TLL2: variants seen among roughly 807,000 people sequenced by gnomAD.
TLL2 encodes the protein tolloid-like protein 2.
TLL2 carries 106 observed loss-of-function variants against 123.0 expected under a neutral mutation model. The ratio of observed to expected loss-of-function variants is 0.86; its 90% CI spans 0.74 to 1.01. The LOEUF is 1.01. Among genes scored for constraint, TLL2 ranks in the 50% least tolerant of loss-of-function variants. The pLI, the probability that TLL2 is intolerant of heterozygous loss-of-function variation, is 0.00. For synonymous variants in TLL2, 494 were observed against 516.8 expected, an observed-to-expected ratio of 0.96 and a Z score of 0.60; for missense variants, 1,332 against 1,336.7, an observed-to-expected ratio of 1.00 and a Z score of 0.06.
At chr10:96,498,335 G>A (rs551653594) in intron 1 of TLL2, among the ~76,000 whole-genome samples, 19 of 152,134 alleles carry the variant, frequency 1.2e-4, no homozygotes, top group Non-Finnish European at 2.1e-4. Flanking sequence ...GGGTTCTCAC[G>A]GGAAATATTA....
intron 2 of TLL2, among the ~76,000 whole-genome samples, chr10:96,457,165 T>C (rs1352807937): frequency 6.6e-6 from 1 of 152,156 alleles, no homozygotes; most frequent in Non-Finnish European, 1.5e-5. Flanking sequence ...TGATGATTAT[T>C]TTTGGGTCCC....
intron 1 of TLL2, among the ~76,000 whole-genome samples, chr10:96,507,829 T>G (rs1177957009): frequency 2.0e-5 from 3 of 152,160 alleles, no homozygotes; most frequent in Non-Finnish European, 4.4e-5. Context: ...TGTGTGAAAT[T>G]GTGTAGAGAA....
intron 2 of TLL2, among the ~76,000 whole-genome samples, chr10:96,476,373 G>A (rs1045826918): frequency 4.0e-5 from 6 of 150,378 alleles, no homozygotes; most frequent in Non-Finnish European, 5.9e-5. Flanking sequence ...CAATTCTCCT[G>A]CCTCAGCCTC....
At chr10:96,373,894 G>T in intron 18 of TLL2, 85 bp from the exon 19 acceptor site, 2 of 1,249,934 alleles carry the variant, frequency 1.6e-6, no homozygotes, top group Non-Finnish European at 2.3e-6. Flanking sequence ...GGACAGGAAG[G>T]GGCGAGGCAG....
At position 96,367,197 on chromosome 10, in the gene TLL2, G is replaced by A. The variant is rs1846036999; in HGVS notation, c.*891C>T. 1.3e-5 allele frequency: 2 copies of A among 152,242 alleles called. No individual in the cohort carries two copies. The highest frequency in any genetic ancestry group is 1.3e-4 in the Admixed American group (2 of 15,282). 9.4% of individuals were successfully genotyped at this position (152,242 alleles called of 1,614,324 possible). ...CATTTTGCAAATGCAGTTTGAATTG[G>A]ATGTCAAGGAGTCCAGGTGTGCCAC... On this transcript the variant is annotated 3_prime_UTR_variant, in exon 21 of 21. Transcript: ENST00000357947.
chr10:96,379,741 G>A (rs552262495), intron 16 of TLL2, among the ~76,000 whole-genome samples: 1 of 152,348 alleles, frequency 6.6e-6, no homozygotes, highest in South Asian at 2.1e-4. Context: ...AGAATTGCTT[G>A]AACCTGGGAG....
At chr10:96,375,950 G>A (rs570940728) in intron 18 of TLL2, among the ~76,000 whole-genome samples, 1 of 152,322 alleles carries the variant, frequency 6.6e-6, no homozygotes, top group Admixed American at 6.5e-5. Flanking sequence ...ATTCTCCAAA[G>A]TGTGGGAGTC....
intron 1 of TLL2, among the ~76,000 whole-genome samples, chr10:96,484,247 C>T (rs958464091): frequency 2.6e-5 from 4 of 152,078 alleles, no homozygotes; most frequent in Non-Finnish European, 5.9e-5. Flanking sequence ...GTTCTCTTTT[C>T]CCAAAGCCAT....
chr10:96,455,483 TAGG>T (rs1315258529), intron 2 of TLL2, among the ~76,000 whole-genome samples: 1 of 152,098 alleles, frequency 6.6e-6, no homozygotes, highest in Non-Finnish European at 1.5e-5. Flanking sequence ...CAGGATGAGA[TAGG>T]AGGTCAGCAC....
chr10:96,513,611 T>TC lies in TLL2; in HGVS notation c.74dup (p.Leu26ThrfsTer44). The TC allele has an allele frequency of 6.2e-7, 1 of 1,601,810 alleles. No individual in the cohort carries two copies. Among genetic ancestry groups the TC allele is most frequent in the South Asian group, 1.1e-5 (1 of 90,854 alleles). ...CGGTGGCGTCCGGGCGCTCCCCGAGTCCCCCGGCGCCGCGAGGCAGCGGCA... is the reference window on the plus strand; with the variant it reads ...CGGTGGCGTCCGGGCGCTCCCCGAGTCCCCCCGGCGCCGCGAGGCAGCGGCA... On this transcript the variant is annotated frameshift_variant, in exon 1 of 21. Transcript: ENST00000357947. LOFTEE classifies it high-confidence loss of function.
At chr10:96,496,827 C>T (rs1350571054) in intron 1 of TLL2, among the ~76,000 whole-genome samples, 2 of 152,208 alleles carry the variant, frequency 1.3e-5, no homozygotes, top group East Asian at 1.9e-4. Flanking sequence ...TGCCACCCCA[C>T]TCAATGGGTG....
rs55819031 is a variant in TLL2, at chr10:96,458,587, C to CA, written c.287-12420dup. 5.9e-3 allele frequency among the ~76,000 whole-genome samples: 273 copies of CA among 45,942 alleles called. 18 individuals carry two copies. Among genetic ancestry groups the CA allele is most frequent in the African/African-American group, 0.012 (125 of 10,494 alleles). 30.1% of individuals were successfully genotyped at this position (45,942 alleles called of 152,430 possible). ...GGGGGACAAGAGCGAGACTTCGTCTCAAAAAAAAAAAAAAAAAAAAAAAAA... is the reference window on the plus strand; with the variant it reads ...GGGGGACAAGAGCGAGACTTCGTCTCAAAAAAAAAAAAAAAAAAAAAAAAAA... On this transcript the variant is annotated intron_variant, in intron 2 of 20. Coordinates refer to ENST00000357947, the MANE Select transcript of TLL2 (RefSeq NM_012465.4).
At chr10:96,502,525 T>C (rs1360977818) in intron 1 of TLL2, among the ~76,000 whole-genome samples, 1 of 151,476 alleles carries the variant, frequency 6.6e-6, no homozygotes, top group Non-Finnish European at 1.5e-5. Context: ...TTGGGCGGGG[T>C]GAGAAGAAGA....
intron 8 of TLL2, among the ~76,000 whole-genome samples, chr10:96,411,257 CAAAAAAAAAAAAAAAAAAAAAAAAA>C (rs56011735): frequency 7.4e-5 from 7 of 95,160 alleles, no homozygotes; most frequent in Admixed American, 1.1e-4. Context: ...GACTCTGTCT[CAAAAAAAAAAAAAAAAAAAAAAAAA>C]AAAAAAAAAA....
At chr10:96,509,566 C>T (rs1847608262) in intron 1 of TLL2, among the ~76,000 whole-genome samples, 1 of 152,358 alleles carries the variant, frequency 6.6e-6, no homozygotes, top group South Asian at 2.1e-4. Flanking sequence ...CTCCTGCTCC[C>T]TTAACCCTGC....
chr10:96,473,221 GAGGCAGGTGAATCACT>G, intron 2 of TLL2, among the ~76,000 whole-genome samples: 1 of 152,286 alleles, frequency 6.6e-6, no homozygotes, highest in South Asian at 2.1e-4. Flanking sequence ...TTGGGAGGCT[GAGGCAGGTGAATCACT>G]TGAGATCAGG....
intron 9 of TLL2, among the ~76,000 whole-genome samples, chr10:96,407,304 T>A (rs1449983938): frequency 6.6e-6 from 1 of 152,128 alleles, no homozygotes; most frequent in African/African-American, 2.4e-5. Flanking sequence ...ATTGCCCTGA[T>A]GAACACGATT....
intron 9 of TLL2, among the ~76,000 whole-genome samples, chr10:96,409,490 A>G (rs187709244): frequency 1.5e-3 from 230 of 152,328 alleles, no homozygotes; most frequent in African/African-American, 5.2e-3. Context: ...TAGCAAAAAG[A>G]TAAGCTTTGG....
intron 3 of TLL2, among the ~76,000 whole-genome samples, chr10:96,436,119 T>C (rs1846792996): frequency 6.6e-6 from 1 of 152,260 alleles, no homozygotes; most frequent in Admixed American, 6.5e-5. Context: ...TTAAGCTTTA[T>C]GTGTCATATA....
Sources: gnomAD v4.1 joint callset for allele counts (sites outside exome capture counted in the v4.1 genomes callset) on GRCh38, gnomAD v4.1.1 for gene constraint, MANE v1.5 for transcripts, NCBI Gene and HGNC (gene_info 2026-07-23, HGNC 2026-07-21) for gene names.